SLC15A4: variants seen among roughly 807,000 people sequenced by gnomAD.
SLC15A4 encodes solute carrier family 15 member 4.
SLC15A4 carries 26 observed loss-of-function variants against 46.1 expected under a neutral mutation model. The ratio of observed to expected loss-of-function variants is 0.56; its 90% CI spans 0.41 to 0.78. The LOEUF (loss-of-function observed/expected upper bound fraction) is 0.78. Among genes scored for constraint, SLC15A4 ranks in the 30% least tolerant of loss-of-function variants. The pLI is 0.00. For missense variants in SLC15A4, 751 were observed against 755.7 expected (o/e 0.99, Z 0.07); for synonymous variants, 370 against 333.4 (o/e 1.11, Z -1.20).
intron 5 of SLC15A4, among the ~76,000 whole-genome samples, chr12:128,802,831 T>C (rs1419514008): frequency 1.3e-5 from 2 of 152,068 alleles, no homozygotes; most frequent in East Asian, 1.9e-4. Flanking sequence ...AGAAAATAAA[T>C]AGGCCTGATT....
At chr12:128,799,830 G>A (rs1250765778) in intron 6 of SLC15A4, among the ~76,000 whole-genome samples, 1 of 152,146 alleles carries the variant, frequency 6.6e-6, no homozygotes, top group Non-Finnish European at 1.5e-5. Flanking sequence ...TTCTATTTCA[G>A]AGGCAATATA....
At chr12:128,797,714 C>G (rs1295646149) in intron 7 of SLC15A4, among the ~76,000 whole-genome samples, 1 of 152,238 alleles carries the variant, frequency 6.6e-6, no homozygotes, top group Non-Finnish European at 1.5e-5. Context: ...GGCCTGAGAG[C>G]TGCTGCTCCT....
rs780069307 is a variant in SLC15A4, at chr12:128,809,465, T to C, written c.1020A>G (p.Thr340=). Reference sequence around the variant, plus strand: ...AATGAAGACTCTGTAAAACATATGTTGTCTGCATCTAGGTATAAAAAACAG... The same window carrying C: ...AATGAAGACTCTGTAAAACATATGTCGTCTGCATCTAGGTATAAAAAACAG... The part of the protein sequence containing the change: ...PYWTVYFQMQ[T]TYVLQSLHLR... The change falls in exon 4 of 8, where the codon ACA becomes ACG. Residue 340 remains threonine (T), a synonymous_variant. Transcript: ENST00000266771. 1.9e-6 allele frequency: 3 copies of C among 1,603,912 alleles called. No homozygotes were observed. The Admixed American group carries it at 5.2e-5, about 28-fold the overall frequency.
At chr12:128,807,290 A>G (rs966086482) in intron 5 of SLC15A4, among the ~76,000 whole-genome samples, 4 of 152,182 alleles carry the variant, frequency 2.6e-5, no homozygotes, top group South Asian at 2.1e-4. Flanking sequence ...GCACAAACAC[A>G]TATCGAAACC....
intron 7 of SLC15A4, among the ~76,000 whole-genome samples, chr12:128,798,606 T>C: frequency 6.6e-6 from 1 of 152,216 alleles, no homozygotes; most frequent in East Asian, 1.9e-4. Context: ...GTTGTTTCTG[T>C]AGATAAAATA....
rs559166867 is a variant in SLC15A4 at position 128,819,883 on chromosome 12, A to G, written c.546+3515T>C. The G allele has an allele frequency of 2.6e-5, 4 of 152,362 alleles. No individual in the cohort carries two copies. The East Asian group carries it at 7.7e-4, about 29-fold the overall frequency. 9.4% of individuals were successfully genotyped at this position (152,362 alleles called of 1,614,324 possible). On this transcript the variant is annotated intron_variant, in intron 1 of 7. Coordinates refer to ENST00000266771, the MANE Select transcript of SLC15A4 (RefSeq NM_145648.4). The stretch of plus-strand genomic sequence containing the variant: ...ATTACTCGCCTGTTATATCCTGGAG[A>G]GCACCAGCTTTTAAGTCAGGCTGCC...
In SLC15A4 at chr12:128,812,183, A is replaced by G. The variant is rs1168238815; in HGVS notation, c.843-2072T>C. Among the ~76,000 whole-genome samples the G allele has an allele frequency of 2.6e-5, 4 of 152,382 alleles. No individual in the cohort carries two copies. The East Asian group carries it at 7.7e-4, about 29-fold the overall frequency. On this transcript the variant is annotated intron_variant, in intron 2 of 7. Transcript: ENST00000266771. Reference sequence around the variant, plus strand: ...CGCCTTCATTTCTCATTTAATATCAAGCACTATATTATCTTCAAAACACAG... The same window carrying G: ...CGCCTTCATTTCTCATTTAATATCAGGCACTATATTATCTTCAAAACACAG...
chr12:128,821,390 CACATTTTGAGTTCT>C (rs1298075220), intron 1 of SLC15A4, among the ~76,000 whole-genome samples: 1 of 152,212 alleles, frequency 6.6e-6, no homozygotes, highest in Non-Finnish European at 1.5e-5. Context: ...GCAGGCAGTT[CACATTTTGAGTTCT>C]ATGAGACATC....
Position 128,808,877 on chromosome 12 carries a change from G to C in SLC15A4, c.1169C>G (p.Pro390Arg). Reference protein sequence around the residue: ...LIPLKDKLVDPILRRHGLLPS... With the variant: ...LIPLKDKLVDRILRRHGLLPS... ...GAGCAGGCCATGTCTTCTCAAAATG[G>C]GATCGACCAGTTTGTCCTTCAGAGG... The change falls in exon 5 of 8, where the codon CCC becomes CGC. Residue 390 changes from proline (P) to arginine (R), a missense_variant. Physicochemically the swap from Pro to Arg is moderately radical, Grantham distance 103. Transcript: ENST00000266771. The C allele has an allele frequency of 6.2e-7, 1 of 1,614,152 alleles. No individual in the cohort carries two copies. Among genetic ancestry groups the C allele is most frequent in the Non-Finnish European group, 8.5e-7 (1 of 1,180,000 alleles).
In SLC15A4 at chr12:128,799,404, T is replaced by C. The variant is rs373889689; in HGVS notation, c.1428A>G (p.Ala476=). Residue 476 remains alanine, a synonymous_variant, in exon 7 of 8, where the codon GCA becomes GCG. Transcript: ENST00000266771. ...IFASIAGLEF[A]YSAAPKSMQS... ...GCATGGACTTGGGGGCAGCTGAGTATGCAAATTCCAGGCCTGAGGAAAGAA... is the reference window on the plus strand; with the variant it reads ...GCATGGACTTGGGGGCAGCTGAGTACGCAAATTCCAGGCCTGAGGAAAGAA... 1.9e-6 allele frequency: 3 copies of C among 1,614,138 alleles called. No homozygotes were observed. Among genetic ancestry groups the C allele is most frequent in the South Asian group, 1.1e-5 (1 of 91,074 alleles).
Position 128,823,780 on chromosome 12 carries a change from G to T in SLC15A4, c.164C>A (p.Thr55Lys). ...GTTCAGGAATAGCACCAGGTTGGACGTGATGCCGTAGAAAGCGGCGCGCTC... is the reference window on the plus strand; with the variant it reads ...GTTCAGGAATAGCACCAGGTTGGACTTGATGCCGTAGAAAGCGGCGCGCTC... ...LLERAAFYGI[T>K]SNLVLFLNGA... The change falls in exon 1 of 8, where the codon ACG (threonine) becomes AAG (lysine). Residue 55 changes from threonine (T) to lysine (K), a missense_variant. Transcript: ENST00000266771. The T allele has an allele frequency of 6.6e-7, 1 of 1,520,578 alleles. No homozygotes were observed. The allele number at this position is 1,520,578 out of a possible 1,614,324, so 94.2% of individuals were successfully genotyped here.
rs1376655223 is a variant in SLC15A4 at position 128,793,721 on chromosome 12, C to G, written c.*475G>C. The G allele has an allele frequency of 6.7e-6, 1 of 149,082 alleles. No individual in the cohort carries two copies. The highest frequency in any genetic ancestry group is 1.5e-5 in the Non-Finnish European group (1 of 67,550). The allele number at this position is 149,082 out of a possible 1,614,324, so 9.2% of individuals were successfully genotyped here. Reference sequence around the variant, plus strand: ...TATGTAAAATCCTTGCAGCATCTGACCATGCTTTTATCTTTAAAAAAAAAA... The same window carrying G: ...TATGTAAAATCCTTGCAGCATCTGAGCATGCTTTTATCTTTAAAAAAAAAA... On this transcript the variant is annotated 3_prime_UTR_variant, in exon 8 of 8. Transcript: ENST00000266771.
Position 128,794,001 on chromosome 12 carries a change from T to G in SLC15A4, c.*195A>C. The G allele has an allele frequency of 2.2e-6, 1 of 459,020 alleles. No individual in the cohort carries two copies. Among genetic ancestry groups the G allele is most frequent in the Non-Finnish European group, 3.8e-6 (1 of 262,138 alleles). The allele number at this position is 459,020 out of a possible 1,614,324, so 28.4% of individuals were successfully genotyped here. A position where few individuals can be genotyped will look rare whatever the true frequency, so the allele number is the denominator to read the frequency against. Reference sequence around the variant, plus strand: ...AGCTCTCCTCCCGGAGGGCCCAGCGTGCCAGGAGACACGCTGCAGTAAGGC... The same window carrying G: ...AGCTCTCCTCCCGGAGGGCCCAGCGGGCCAGGAGACACGCTGCAGTAAGGC... On this transcript the variant is annotated 3_prime_UTR_variant, in exon 8 of 8. Coordinates refer to ENST00000266771, the MANE Select transcript of SLC15A4 (RefSeq NM_145648.4).
intron 1 of SLC15A4, chr12:128,819,824 G>A (rs900982): frequency 0.58 from 87,882 of 152,114 alleles, 25,881 homozygotes; most frequent in Non-Finnish European, 0.64. Context: ...TGAGATAACC[G>A]AGCACCATTT....
chr12:128,815,097 T>G, intron 1 of SLC15A4, 27 bp from the exon 2 acceptor site: 1 of 1,591,948 alleles, frequency 6.3e-7, no homozygotes, highest in Non-Finnish European at 8.6e-7. Context: ...GAAAGACACT[T>G]GAAAATATAT....
chr12:128,803,918 A>G (rs1955548586), intron 5 of SLC15A4, among the ~76,000 whole-genome samples: 1 of 152,226 alleles, frequency 6.6e-6, no homozygotes, highest in Admixed American at 6.5e-5. Flanking sequence ...ATGGTGTTTT[A>G]GAAAGTGTTC....
In SLC15A4 at chr12:128,793,824, T is replaced by G. The variant is rs1593000498; in HGVS notation, c.*372A>C. On this transcript the variant is annotated 3_prime_UTR_variant, in exon 8 of 8. Transcript: ENST00000266771. ...GTGAGATATGGCTATGGGAAGCAGG[T>G]GATACTATTTGTTTAAGAAACTGGG... is the stretch of plus-strand genomic sequence containing the variant. 6.0e-6 allele frequency: 1 copy of G among 167,368 alleles called. No homozygotes were observed. The allele number at this position is 167,368 out of a possible 1,614,324, so 10.4% of individuals were successfully genotyped here. A position where few individuals can be genotyped will look rare whatever the true frequency, so the allele number is the denominator to read the frequency against.
chr12:128,809,449 T>C lies in SLC15A4; in HGVS notation c.1036A>G (p.Ser346Gly), dbSNP rs1427086512. The change falls in exon 4 of 8, where the codon AGT (serine) becomes GGT (glycine). Residue 346 changes from serine to glycine, a missense_variant. Physicochemically the swap from Ser to Gly is moderately conservative, Grantham distance 56 (BLOSUM62 0). Transcript: ENST00000266771. ...ATTTCTGGAATCCTCAAATGAAGAC[T>C]CTGTAAAACATATGTTGTCTGCATC... is the stretch of plus-strand genomic sequence containing the variant. ...FQMQTTYVLQ[S>G]LHLRIPEISN... is the part of the protein sequence containing the mutation. 2.5e-6 allele frequency: 4 copies of C among 1,608,542 alleles called. No individual in the cohort carries two copies. The highest frequency in any genetic ancestry group is 3.4e-6 in the Non-Finnish European group (4 of 1,177,426).
chr12:128,798,464 G>C (rs1414602547), intron 7 of SLC15A4, among the ~76,000 whole-genome samples: 1 of 152,190 alleles, frequency 6.6e-6, no homozygotes, highest in Non-Finnish European at 1.5e-5. Flanking sequence ...AAGGGCTCTG[G>C]GAATTCTGCA....
Sources: allele counts gnomAD v4.1 joint callset (sites outside exome capture counted in the v4.1 genomes callset), GRCh38; gene constraint gnomAD v4.1.1; transcripts MANE v1.5; gene names NCBI Gene and HGNC (gene_info 2026-07-23, HGNC 2026-07-21).